HPCAL1: variants seen among roughly 807,000 people sequenced by gnomAD.
HPCAL1 encodes the protein hippocalcin like 1.
Under a neutral mutation model 17.1 loss-of-function variants are expected in HPCAL1, and 8 were observed. The ratio of observed to expected loss-of-function variants is 0.47; its 90% CI spans 0.27 to 0.84. The LOEUF is 0.84. Ranked by LOEUF, HPCAL1 falls within the 40% of genes least tolerant of loss-of-function variation. The probability of loss-of-function intolerance (pLI) is 0.13; values close to 1 mark genes in which losing one functional copy is unlikely to be tolerated. For missense variants in HPCAL1, 165 were observed against 271.1 expected (o/e 0.61, Z 2.75); for synonymous variants, 112 against 111.4 (o/e 1.01, Z -0.03).
chr2:10,317,391 T>C (rs1663384580), intron 1 of HPCAL1, among the ~76,000 whole-genome samples: 2 of 150,956 alleles, frequency 1.3e-5, no homozygotes, highest in African/African-American at 2.4e-5. Context: ...GTGTGAATGA[T>C]GATTACCCCT....
intron 2 of HPCAL1, among the ~76,000 whole-genome samples, chr2:10,406,725 C>T (rs959161727): frequency 6.6e-6 from 1 of 152,248 alleles, no homozygotes; most frequent in Admixed American, 6.5e-5. Flanking sequence ...GCCTGGCATC[C>T]GGCACCCTTC....
chr2:10,327,494 A>C (rs1241404798), intron 1 of HPCAL1, among the ~76,000 whole-genome samples: 2 of 152,214 alleles, frequency 1.3e-5, no homozygotes, highest in Non-Finnish European at 2.9e-5. Context: ...CCTGACATGC[A>C]AATCATACTG....
At chr2:10,336,728 G>A (rs1367853916) in intron 1 of HPCAL1, among the ~76,000 whole-genome samples, 1 of 152,178 alleles carries the variant, frequency 6.6e-6, no homozygotes, top group East Asian at 1.9e-4. Flanking sequence ...AAAGATGGTG[G>A]AACAACATAA....
At chr2:10,403,636 T>A (rs1236677039) in intron 2 of HPCAL1, among the ~76,000 whole-genome samples, 1 of 152,022 alleles carries the variant, frequency 6.6e-6, no homozygotes, top group Non-Finnish European at 1.5e-5. Flanking sequence ...GTGCCTGCCA[T>A]CATGCCTGGC....
intron 2 of HPCAL1, among the ~76,000 whole-genome samples, chr2:10,414,888 G>A (rs928715763): frequency 6.6e-6 from 1 of 152,242 alleles, no homozygotes; most frequent in African/African-American, 2.4e-5. Flanking sequence ...TGCTGTTACA[G>A]CGGCAGACGG....
chr2:10,329,679 C>T (rs536272801), intron 1 of HPCAL1, among the ~76,000 whole-genome samples: 1 of 152,382 alleles, frequency 6.6e-6, no homozygotes, highest in Non-Finnish European at 1.5e-5. Context: ...GGCTTTGTCT[C>T]TGCTTTTGAC....
intron 1 of HPCAL1, among the ~76,000 whole-genome samples, chr2:10,386,091 T>G (rs1240244056): frequency 6.6e-6 from 1 of 152,176 alleles, no homozygotes; most frequent in East Asian, 1.9e-4. Flanking sequence ...CTCTTGAACA[T>G]CTCGGACTTT....
intron 1 of HPCAL1, among the ~76,000 whole-genome samples, chr2:10,329,596 A>G (rs564984631): frequency 6.6e-6 from 1 of 152,376 alleles, no homozygotes; most frequent in African/African-American, 2.4e-5. Flanking sequence ...ACCTGTGTCC[A>G]CAGACAGAAC....
chr2:10,424,838 G>C (rs1416953560), intron 4 of HPCAL1: 1 of 343,074 alleles, frequency 2.9e-6, no homozygotes, highest in East Asian at 7.6e-5. Context: ...TGGTGCCCTG[G>C]AGTTTGCCCC....
At chr2:10,382,951 G>A (rs138916346) in intron 1 of HPCAL1, among the ~76,000 whole-genome samples, 1 of 152,314 alleles carries the variant, frequency 6.6e-6, no homozygotes, top group South Asian at 2.1e-4. Flanking sequence ...GGGGAGTGGC[G>A]GCTCGCTTGT....
rs1662510658 is a variant in HPCAL1 at position 10,304,774 on chromosome 2, C to T, written c.-111+1597C>T. 6.6e-6 allele frequency among the ~76,000 whole-genome samples: 1 copy of T among 152,178 alleles called. No homozygotes were observed. The highest frequency in any genetic ancestry group is 2.1e-4 in the South Asian group (1 of 4,820). ...TTCTTTCCCTTCATCGCCTTGGTGT[C>T]TTTCTCTGGGGGAAAAAAATCGCCT... On this transcript the variant is annotated intron_variant, in intron 1 of 4. Transcript: ENST00000307845. This position sits in a 1 kb window ranked among gnomAD's most constrained non-coding sequence, Gnocchi z 4.1.
chr2:10,417,196 C>A (rs74565162), intron 2 of HPCAL1, among the ~76,000 whole-genome samples: 1 of 152,108 alleles, frequency 6.6e-6, no homozygotes, highest in Non-Finnish European at 1.5e-5. Flanking sequence ...AACCCCATCT[C>A]TACTAAAAAT....
rs373840317 is a variant in HPCAL1, at chr2:10,325,801, C to T, written c.-111+22624C>T. Among the ~76,000 whole-genome samples, 8 of 152,338 alleles carry T rather than the reference C, an allele frequency of 5.3e-5. No individual in the cohort carries two copies. The East Asian group carries it at 9.6e-4, about 18-fold the overall frequency. Reference sequence around the variant, plus strand: ...GCACCTGCTGCAGGTGTCTTTGCACCTCGGTCCTGCTGGTCCCAGGCCCAG... The same window carrying T: ...GCACCTGCTGCAGGTGTCTTTGCACTTCGGTCCTGCTGGTCCCAGGCCCAG... On this transcript the variant is annotated intron_variant, in intron 1 of 4. Coordinates refer to ENST00000307845, the MANE Select transcript of HPCAL1 (RefSeq NM_002149.4).
chr2:10,371,212 G>C (rs1295280604), intron 1 of HPCAL1, among the ~76,000 whole-genome samples: 11 of 152,188 alleles, frequency 7.2e-5, no homozygotes, highest in Admixed American at 7.2e-4. Context: ...AGTGGGTCTG[G>C]CTGGCCACCG....
intron 1 of HPCAL1, among the ~76,000 whole-genome samples, chr2:10,319,486 A>G (rs574400807): frequency 6.6e-6 from 1 of 151,558 alleles, no homozygotes; most frequent in East Asian, 2.0e-4. Context: ...GCATGGCTCA[A>G]ATCAGAGCAT....
chr2:10,377,524 G>C lies in HPCAL1; in HGVS notation c.-110-19311G>C, dbSNP rs1286683597. ...CCCCATCCCTGTCCTTTCACGCACTGTCTGCCCGCACACACTCTTCCACCC... is the reference window on the plus strand; with the variant it reads ...CCCCATCCCTGTCCTTTCACGCACTCTCTGCCCGCACACACTCTTCCACCC... On this transcript the variant is annotated intron_variant, in intron 1 of 4. Coordinates refer to ENST00000307845, the MANE Select transcript of HPCAL1 (RefSeq NM_002149.4). The surrounding 1 kb of genome is among the most constrained non-coding windows in gnomAD (Gnocchi z 5.9). 6.6e-6 allele frequency among the ~76,000 whole-genome samples: 1 copy of C among 152,002 alleles called. No homozygotes were observed. Among genetic ancestry groups the C allele is most frequent in the Non-Finnish European group, 1.5e-5 (1 of 67,978 alleles).
At chr2:10,347,807 C>T (rs1018439065) in intron 1 of HPCAL1, among the ~76,000 whole-genome samples, 6 of 152,136 alleles carry the variant, frequency 3.9e-5, no homozygotes, top group African/African-American at 1.4e-4. Flanking sequence ...GCTCCCCAAA[C>T]CCTTCACTTC....
At chr2:10,353,811 C>G (rs1477345482) in intron 1 of HPCAL1, among the ~76,000 whole-genome samples, 1 of 152,200 alleles carries the variant, frequency 6.6e-6, no homozygotes, top group Non-Finnish European at 1.5e-5. Flanking sequence ...ATCTTCCCAC[C>G]TCAGCCTCCC....
At chr2:10,424,322 G>A (rs1281550886) in intron 4 of HPCAL1, 6 of 350,048 alleles carry the variant, frequency 1.7e-5, no homozygotes, top group Non-Finnish European at 3.5e-5. Flanking sequence ...GGTGCCTGGC[G>A]TTGCCTTTGG....
Sources: allele counts gnomAD v4.1 joint callset (sites outside exome capture counted in the v4.1 genomes callset), GRCh38; gene constraint gnomAD v4.1.1; non-coding constraint Gnocchi (gnomAD v3.1); transcripts MANE v1.5; gene names NCBI Gene and HGNC (gene_info 2026-07-23, HGNC 2026-07-21).